PAFAH1B2: variants seen among roughly 807,000 people sequenced by gnomAD.
PAFAH1B2 encodes platelet activating factor acetylhydrolase 1b catalytic subunit 2, also known as platelet-activating factor acetylhydrolase IB subunit alpha2.
A neutral mutation model predicts 28.0 loss-of-function variants in PAFAH1B2; 8 were observed. The observed-to-expected ratio is 0.29, with a 90% CI of 0.17 to 0.52. The LOEUF is 0.52. Among genes scored for constraint, PAFAH1B2 ranks in the 20% least tolerant of loss-of-function variants. The pLI, the probability that PAFAH1B2 is intolerant of heterozygous loss-of-function variation, is 0.97. For synonymous variants in PAFAH1B2, 104 were observed against 103.2 expected, an observed-to-expected ratio of 1.01 and a Z score of -0.05; for missense variants, 190 against 282.6, an observed-to-expected ratio of 0.67 and a Z score of 2.35.
intron 1 of PAFAH1B2, among the ~76,000 whole-genome samples, chr11:117,150,066 T>C (rs1956113777): frequency 6.6e-6 from 1 of 152,208 alleles, no homozygotes; most frequent in Non-Finnish European, 1.5e-5. Flanking sequence ...AAGTTTTAAT[T>C]TGATTTAAGC....
chr11:117,155,469 G>A (rs986313149), intron 2 of PAFAH1B2, among the ~76,000 whole-genome samples: 10 of 152,156 alleles, frequency 6.6e-5, no homozygotes, highest in East Asian at 1.9e-4. Context: ...GATAGGAAGT[G>A]TAACTTTGTT....
At chr11:117,177,031 A>G (rs1318364716), downstream of PAFAH1B2, 8 of 152,118 alleles carry the variant, frequency 5.3e-5, no homozygotes, top group African/African-American at 1.9e-4. Context: ...AATATGGTGA[A>G]ACCCCGTCTC....
chr11:117,163,700 C>T (rs866523367), intron 4 of PAFAH1B2, 70 bp from the exon 5 acceptor site: 3 of 1,352,114 alleles, frequency 2.2e-6, no homozygotes, highest in Middle Eastern at 1.9e-4. Flanking sequence ...AGATTTTCAT[C>T]TAAATGTTGG....
chr11:117,145,085 C>T (rs1955966996), intron 1 of PAFAH1B2, among the ~76,000 whole-genome samples: 1 of 152,204 alleles, frequency 6.6e-6, no homozygotes, highest in Non-Finnish European at 1.5e-5. Flanking sequence ...GCTTTCCAGC[C>T]CCCATCTCAT....
Position 117,144,292 on chromosome 11 carries a change from A to AGCT in PAFAH1B2, c.-126_-124dup, listed in dbSNP as rs1230124936. 1 of 376,322 alleles carries AGCT rather than the reference A, an allele frequency of 2.7e-6. No individual in the cohort carries two copies. Among genetic ancestry groups the AGCT allele is most frequent in the Non-Finnish European group, 5.5e-6 (1 of 181,456 alleles). 23.3% of individuals were successfully genotyped at this position (376,322 alleles called of 1,614,324 possible). On this transcript the variant is annotated 5_prime_UTR_variant, in exon 1 of 6. Coordinates refer to ENST00000527958, the MANE Select transcript of PAFAH1B2 (RefSeq NM_002572.4). ...GTGGCAGGGGAACCGGAAGTGGAGG[A>AGCT]GCTGCTGCTGGTGCTGGGGCCGGAG...
At chr11:117,175,802 C>A, downstream of PAFAH1B2, 5 of 1,207,640 alleles carry the variant, frequency 4.1e-6, no homozygotes, top group South Asian at 1.4e-5. Flanking sequence ...AGTAGTGGTG[C>A]TTGCCTGTAA....
At chr11:117,152,168 A>G (rs1956166688) in intron 1 of PAFAH1B2, among the ~76,000 whole-genome samples, 2 of 152,220 alleles carry the variant, frequency 1.3e-5, no homozygotes, top group South Asian at 2.1e-4. Flanking sequence ...GGTATAAAGT[A>G]TATACTTGGA....
At chr11:117,152,249 T>C (rs1257243795) in intron 1 of PAFAH1B2, among the ~76,000 whole-genome samples, 192 bp from the exon 2 acceptor site, 1 of 152,208 alleles carries the variant, frequency 6.6e-6, no homozygotes, top group Non-Finnish European at 1.5e-5. Flanking sequence ...AGTGGTGCTA[T>C]CTTTATGGGA....
Position 117,168,748 on chromosome 11 carries a change from A to G in PAFAH1B2, c.*1049A>G, listed in dbSNP as rs1422046420. 6.4e-5 allele frequency: 67 copies of G among 1,038,886 alleles called. No individual in the cohort carries two copies. Among genetic ancestry groups the G allele is most frequent in the South Asian group, 4.2e-4 (9 of 21,542 alleles). The allele number at this position is 1,038,886 out of a possible 1,614,324, so 64.4% of individuals were successfully genotyped here. A position where few individuals can be genotyped will look rare whatever the true frequency, so the allele number is the denominator to read the frequency against. On this transcript the variant is annotated 3_prime_UTR_variant, in exon 6 of 6. Coordinates refer to ENST00000527958, the MANE Select transcript of PAFAH1B2 (RefSeq NM_002572.4). ...ACCTGACATTATTTCAAGTTTTATA[A>G]TATCTTAAGGTGTATATTTTATTTT... is the stretch of plus-strand genomic sequence containing the variant.
downstream of PAFAH1B2, chr11:117,171,890 A>G (rs1956658908): frequency 6.1e-6 from 4 of 654,542 alleles, no homozygotes; most frequent in Non-Finnish European, 5.1e-6. Flanking sequence ...TTTGGAGGTA[A>G]ATTGAGACAT....
downstream of PAFAH1B2, chr11:117,171,758 T>C: frequency 7.2e-6 from 11 of 1,533,800 alleles, no homozygotes; most frequent in Non-Finnish European, 8.7e-6. Flanking sequence ...TGAGTTGGTA[T>C]GCCGGTATGA....
Position 117,170,299 on chromosome 11 carries a change from T to A in PAFAH1B2, c.*2600T>A. Reference sequence around the variant, plus strand: ...CTTTCCAGGCAGCTAGCAGAGATACTATTCTCTTCCTCTCCCAGCAAATTT... The same window carrying A: ...CTTTCCAGGCAGCTAGCAGAGATACAATTCTCTTCCTCTCCCAGCAAATTT... On this transcript the variant is annotated 3_prime_UTR_variant, in exon 6 of 6. Transcript: ENST00000527958. 9.4e-7 allele frequency: 1 copy of A among 1,062,190 alleles called. No individual in the cohort carries two copies. The highest frequency in any genetic ancestry group is 1.1e-6 in the Non-Finnish European group (1 of 877,804). The allele number at this position is 1,062,190 out of a possible 1,614,324, so 65.8% of individuals were successfully genotyped here. A position where few individuals can be genotyped will look rare whatever the true frequency, so the allele number is the denominator to read the frequency against.
intron 2 of PAFAH1B2, 79 bp from the exon 3 acceptor site, chr11:117,159,855 T>G (rs1193881946): frequency 1.0e-6 from 1 of 974,538 alleles, no homozygotes; most frequent in Non-Finnish European, 1.6e-6. Context: ...CCTCCCAAAA[T>G]GTTGAGAGTT....
intron 1 of PAFAH1B2, among the ~76,000 whole-genome samples, chr11:117,147,812 T>G (rs1353129504): frequency 2.6e-5 from 4 of 152,196 alleles, no homozygotes; most frequent in African/African-American, 9.6e-5. Flanking sequence ...ACAAAAAGAC[T>G]GTGTAATTAG....
Position 117,168,750 on chromosome 11 carries a change from A to G in PAFAH1B2, c.*1051A>G. 1 of 1,037,294 alleles carries G rather than the reference A, an allele frequency of 9.6e-7. No individual in the cohort carries two copies. Among genetic ancestry groups the G allele is most frequent in the Non-Finnish European group, 1.2e-6 (1 of 856,830 alleles). 64.3% of individuals were successfully genotyped at this position (1,037,294 alleles called of 1,614,324 possible). ...CTGACATTATTTCAAGTTTTATAATATCTTAAGGTGTATATTTTATTTTTT... is the reference window on the plus strand; with the variant it reads ...CTGACATTATTTCAAGTTTTATAATGTCTTAAGGTGTATATTTTATTTTTT... On this transcript the variant is annotated 3_prime_UTR_variant, in exon 6 of 6. Coordinates refer to ENST00000527958, the MANE Select transcript of PAFAH1B2 (RefSeq NM_002572.4).
downstream of PAFAH1B2, among the ~76,000 whole-genome samples, chr11:117,174,164 T>TGTG (rs1555034628): frequency 1.9e-4 from 26 of 138,920 alleles, no homozygotes; most frequent in South Asian, 1.9e-3. Flanking sequence ...TTCATGTCTT[T>TGTG]TGTGTGTGTG....
In PAFAH1B2 at chr11:117,169,226, G is replaced by T. The variant is rs1021240774; in HGVS notation, c.*1527G>T. The T allele has an allele frequency of 9.6e-7, 1 of 1,036,400 alleles. No individual in the cohort carries two copies. The highest frequency in any genetic ancestry group is 1.7e-5 in the African/African-American group (1 of 59,400). The allele number at this position is 1,036,400 out of a possible 1,614,324, so 64.2% of individuals were successfully genotyped here. A position where few individuals can be genotyped will look rare whatever the true frequency, so the allele number is the denominator to read the frequency against. ...TAAAAACTAGGTTTGTTTCACTTCT[G>T]AGGTGTCTTATTAATGTACTTCATC... On this transcript the variant is annotated 3_prime_UTR_variant, in exon 6 of 6. Transcript: ENST00000527958.
downstream of PAFAH1B2, among the ~76,000 whole-genome samples, chr11:117,173,371 A>G (rs1332782495): frequency 2.0e-5 from 3 of 152,244 alleles, no homozygotes; most frequent in Non-Finnish European, 4.4e-5. Flanking sequence ...TGGTGAATGC[A>G]GGGAAGCCTA....
intron 3 of PAFAH1B2, among the ~76,000 whole-genome samples, chr11:117,160,935 T>G (rs1956358020): frequency 6.6e-6 from 1 of 152,082 alleles, no homozygotes; most frequent in Admixed American, 6.6e-5. Context: ...TCAGATTGAG[T>G]TGTGACTCAT....
Sources: allele counts gnomAD v4.1 joint callset (sites outside exome capture counted in the v4.1 genomes callset), GRCh38; gene constraint gnomAD v4.1.1; transcripts MANE v1.5; gene names NCBI Gene and HGNC (gene_info 2026-07-23, HGNC 2026-07-21).